RBM38: variants seen among roughly 807,000 people sequenced by gnomAD.
The protein encoded by RBM38 is RNA binding motif protein 38.
A neutral mutation model predicts 23.5 loss-of-function variants in RBM38; 11 were observed. The ratio of observed to expected loss-of-function variants is 0.47; its 90% confidence interval spans 0.29 to 0.77. RBM38 has a LOEUF of 0.77. Ranked by LOEUF, RBM38 falls within the 30% of genes least tolerant of loss-of-function variation. RBM38 has a pLI of 0.08. For missense variants in RBM38, 330 were observed against 351.9 expected, an observed-to-expected ratio of 0.94 and a Z score of 0.50; for synonymous variants, 165 against 166.1, an observed-to-expected ratio of 0.99 and a Z score of 0.05.
At position 57,407,675 on chromosome 20, in the gene RBM38, A is replaced by C; in HGVS notation, c.549A>C (p.Pro183=). 6.2e-7 allele frequency: 1 copy of C among 1,612,594 alleles called. No individual in the cohort carries two copies. Among genetic ancestry groups the C allele is most frequent in the South Asian group, 1.1e-5 (1 of 91,078 alleles). Residue 183 remains proline, a synonymous_variant, in exon 4 of 4, where the codon CCA becomes CCC. Transcript: ENST00000356208. The surrounding 1 kb of genome is among the most constrained non-coding windows in gnomAD (Gnocchi z 4.0). ...TPASPAYAQY[P]PATYDQYPYA... Reference sequence around the variant, plus strand: ...CCAGCCCGGCCTACGCCCAGTACCCACCGGCCACCTATGACCAGTACCCAT... The same window carrying C: ...CCAGCCCGGCCTACGCCCAGTACCCCCCGGCCACCTATGACCAGTACCCAT...
At chr20:57,403,546 C>T (rs1201726521) in intron 3 of RBM38, among the ~76,000 whole-genome samples, 1 of 152,188 alleles carries the variant, frequency 6.6e-6, no homozygotes, top group African/African-American at 2.4e-5. Context: ...CCTTGCTCTG[C>T]GATGGGGCAA....
intron 3 of RBM38, among the ~76,000 whole-genome samples, chr20:57,398,268 G>T (rs952460246): frequency 1.3e-5 from 2 of 150,414 alleles, no homozygotes; most frequent in Non-Finnish European, 2.9e-5. Flanking sequence ...GTGTGTGTGT[G>T]TGTGTGTACG....
intron 3 of RBM38, among the ~76,000 whole-genome samples, chr20:57,405,259 C>T (rs1004746195): frequency 2.6e-5 from 4 of 152,246 alleles, no homozygotes; most frequent in Admixed American, 2.0e-4. Context: ...AGCTAAGCCC[C>T]TCGAGGGCAG....
chr20:57,391,882 G>C, intron 1 of RBM38, 64 bp downstream of exon 1: 1 of 1,250,572 alleles, frequency 8.0e-7, no homozygotes, highest in Non-Finnish European at 1.1e-6. Flanking sequence ...CGGGCGCCGA[G>C]TCCACTCCGG....
At chr20:57,393,198 G>A in intron 2 of RBM38, 81 bp from the exon 3 acceptor site, 1 of 1,346,318 alleles carries the variant, frequency 7.4e-7, no homozygotes, top group Admixed American at 1.7e-5. Context: ...TGTGGCTTGT[G>A]GGATTCTGCC....
At chr20:57,395,340 G>A (rs568839169) in intron 3 of RBM38, among the ~76,000 whole-genome samples, 33 of 152,264 alleles carry the variant, frequency 2.2e-4, no homozygotes, top group South Asian at 4.2e-4. Context: ...GGGGACGGTG[G>A]GAAGGGCCCT....
At chr20:57,401,010 G>T (rs1378421604) in intron 3 of RBM38, among the ~76,000 whole-genome samples, 5 of 152,170 alleles carry the variant, frequency 3.3e-5, no homozygotes, top group African/African-American at 7.2e-5. Context: ...AGGCCGGTGG[G>T]CCCTGGCCAA....
intron 3 of RBM38, among the ~76,000 whole-genome samples, chr20:57,394,214 A>G (rs1555275): frequency 0.58 from 88,427 of 151,600 alleles, 27,841 homozygotes; most frequent in East Asian, 0.96. Flanking sequence ...GTGCTCACGC[A>G]TGTGCGCACC....
rs369246420 is a variant in RBM38 at position 57,407,788 on chromosome 20, C to G, written c.662C>G (p.Ala221Gly). ...VPQALSAAAP[A>G]GTTFVQYQAP... ...CAGGCCCTCTCAGCCGCAGCACCCGCGGGCACCACTTTCGTGCAGTACCAG... is the reference window on the plus strand; with the variant it reads ...CAGGCCCTCTCAGCCGCAGCACCCGGGGGCACCACTTTCGTGCAGTACCAG... The change falls in exon 4 of 4, where the codon GCG becomes GGG. Residue 221 changes from alanine (A) to glycine (G), a missense_variant. Physicochemically the swap from Ala to Gly is moderately conservative, Grantham distance 60 (BLOSUM62 0). Coordinates refer to ENST00000356208, the MANE Select transcript of RBM38 (RefSeq NM_017495.6). This position sits in a 1 kb window ranked among gnomAD's most constrained non-coding sequence, Gnocchi z 4.0. 18 of 1,603,490 alleles carry G rather than the reference C, an allele frequency of 1.1e-5. No individual in the cohort carries two copies. Among genetic ancestry groups the G allele is most frequent in the Non-Finnish European group, 1.4e-5 (17 of 1,176,844 alleles).
chr20:57,400,645 T>A lies in RBM38; in HGVS notation c.417-6898T>A, dbSNP rs78457368. The stretch of plus-strand genomic sequence containing the variant: ...GCTTGGGTGGCATGTGGGGGGTCTG[T>A]CCCACCCATTCCTGTGGTTTCTTCC... On this transcript the variant is annotated intron_variant, in intron 3 of 3. Coordinates refer to ENST00000356208, the MANE Select transcript of RBM38 (RefSeq NM_017495.6). Among the ~76,000 whole-genome samples the A allele has an allele frequency of 6.6e-3, 999 of 152,276 alleles. 13 individuals are homozygous for A. The highest frequency in any genetic ancestry group is 0.018 in the African/African-American group (734 of 41,568).
At chr20:57,400,035 C>A in intron 3 of RBM38, 1 of 454,418 alleles carries the variant, frequency 2.2e-6, no homozygotes, top group Non-Finnish European at 4.4e-6. Flanking sequence ...ACCATCTGTA[C>A]TTCTCTCTCC....
At position 57,391,736 on chromosome 20, in the gene RBM38, A is replaced by G; in HGVS notation, c.155A>G (p.Lys52Arg). The G allele has an allele frequency of 6.4e-7, 1 of 1,563,816 alleles. No homozygotes were observed. The highest frequency in any genetic ancestry group is 8.7e-7 in the Non-Finnish European group (1 of 1,154,936). ...PYHTTDASLR[K>R]YFEGFGDIEE... ...CACACTACCGACGCCTCGCTCAGGA[A>G]GTACTTCGAGGGCTTCGGCGACATC... Residue 52 changes from lysine to arginine, a missense_variant, in exon 1 of 4, where the codon AAG (lysine) becomes AGG (arginine). Coordinates refer to ENST00000356208, the MANE Select transcript of RBM38 (RefSeq NM_017495.6).
Position 57,391,664 on chromosome 20 carries a change from A to G in RBM38, c.83A>G (p.Gln28Arg), listed in dbSNP as rs1456486587. Reference sequence around the variant, plus strand: ...GCCCCCGGCGCCATGCACGGCTCGCAGAAGGACACCACGTTCACCAAGATC... The same window carrying G: ...GCCCCCGGCGCCATGCACGGCTCGCGGAAGGACACCACGTTCACCAAGATC... The part of the protein sequence containing the change: ...LAAPGAMHGS[Q>R]KDTTFTKIFV... The change falls in exon 1 of 4, where the codon CAG (glutamine) becomes CGG (arginine). Residue 28 changes from glutamine (Q) to arginine (R), a missense_variant. Gln to Arg is a conservative substitution (Grantham distance 43). Coordinates refer to ENST00000356208, the MANE Select transcript of RBM38 (RefSeq NM_017495.6). The G allele has an allele frequency of 1.3e-6, 2 of 1,503,396 alleles. No homozygotes were observed. Among genetic ancestry groups the G allele is most frequent in the African/African-American group, 1.4e-5 (1 of 69,188 alleles). 93.1% of individuals were successfully genotyped at this position (1,503,396 alleles called of 1,614,324 possible).
chr20:57,400,021 C>T (rs1166422721), intron 3 of RBM38: 1 of 455,890 alleles, frequency 2.2e-6, no homozygotes, highest in Admixed American at 2.3e-5. Flanking sequence ...CATGTGTCCC[C>T]AGCACCATCT....
intron 3 of RBM38, among the ~76,000 whole-genome samples, chr20:57,397,163 C>T (rs2067282676): frequency 6.6e-6 from 1 of 152,258 alleles, no homozygotes; most frequent in Admixed American, 6.5e-5. Context: ...GCCTTCCCTA[C>T]AGGGCCAACT....
chr20:57,403,747 G>A lies in RBM38; in HGVS notation c.417-3796G>A, dbSNP rs149093333. Among the ~76,000 whole-genome samples the A allele has an allele frequency of 9.4e-3, 1,432 of 152,142 alleles. 6 individuals are homozygous for A. The highest frequency in any genetic ancestry group is 0.013 in the Non-Finnish European group (911 of 67,970). On this transcript the variant is annotated intron_variant, in intron 3 of 3. Coordinates refer to ENST00000356208, the MANE Select transcript of RBM38 (RefSeq NM_017495.6). ...AGCGATTCTCCTGCCTCAGCCTCCC[G>A]AGTAACTGGGATTACAGGCTCCCGC...
chr20:57,398,273 T>C (rs1273272230), intron 3 of RBM38, among the ~76,000 whole-genome samples: 1 of 151,388 alleles, frequency 6.6e-6, no homozygotes, highest in Non-Finnish European at 1.5e-5. Context: ...TGTGTGTGTG[T>C]GTACGCACGC....
intron 3 of RBM38, among the ~76,000 whole-genome samples, chr20:57,406,003 G>A (rs866634538): frequency 6.6e-6 from 1 of 152,210 alleles, no homozygotes; most frequent in African/African-American, 2.4e-5. Context: ...GGGGGCCCCT[G>A]CCTACAGGTC....
intron 3 of RBM38, among the ~76,000 whole-genome samples, chr20:57,393,732 A>G (rs1282554850): frequency 2.0e-5 from 3 of 152,152 alleles, no homozygotes; most frequent in Non-Finnish European, 2.9e-5. Flanking sequence ...GTTCTTCCCC[A>G]GGCACTCCTC....
Sources: allele counts gnomAD v4.1 joint callset (sites outside exome capture counted in the v4.1 genomes callset), GRCh38; gene constraint gnomAD v4.1.1; non-coding constraint Gnocchi (gnomAD v3.1); transcripts MANE v1.5; gene names NCBI Gene and HGNC (gene_info 2026-07-23, HGNC 2026-07-21).